ARHGEF7: variants seen among roughly 807,000 people sequenced by gnomAD.
ARHGEF7 encodes PAK-interacting exchange factor beta.
ARHGEF7 carries 33 observed loss-of-function variants against 109.8 expected under a neutral mutation model. The observed-to-expected ratio is 0.30, with a 90% CI of 0.23 to 0.40. The LOEUF (loss-of-function observed/expected upper bound fraction) is 0.40. ARHGEF7 is among the 10% of genes least tolerant of loss of function. ARHGEF7 has a pLI of 1.00. For synonymous variants in ARHGEF7, 458 were observed against 424.6 expected (o/e 1.08, Z -0.97); for missense variants, 938 against 1,098.5 (o/e 0.85, Z 2.07).
chr13:111,193,276 C>T (rs2080116524), intron 2 of ARHGEF7, among the ~76,000 whole-genome samples: 1 of 152,218 alleles, frequency 6.6e-6, no homozygotes, highest in African/African-American at 2.4e-5. Flanking sequence ...GGCTTAATCT[C>T]TTGGAGGGGG....
intron 1 of ARHGEF7, among the ~76,000 whole-genome samples, chr13:111,136,643 G>A (rs1357977555): frequency 6.6e-6 from 1 of 152,174 alleles, no homozygotes; most frequent in Non-Finnish European, 1.5e-5. Flanking sequence ...GAGAAAGCAG[G>A]AAAGATCTAA....
At position 111,221,381 on chromosome 13, in the gene ARHGEF7, A is replaced by AGACATATATATC. The variant is rs2084055835; in HGVS notation, c.670+3501_670+3502insGACATATATATC. Among the ~76,000 whole-genome samples, 2 of 34,448 alleles carry AGACATATATATC rather than the reference A, an allele frequency of 5.8e-5. 1 individual carries two copies. Among genetic ancestry groups the AGACATATATATC allele is most frequent in the African/African-American group, 1.7e-4 (2 of 11,982 alleles). The allele number at this position is 34,448 out of a possible 152,430, so 22.6% of individuals were successfully genotyped here. ...TATATATATCTATATATATATCTAT[A>AGACATATATATC]TATATAGATGTCTATATATCTATAT... is the stretch of plus-strand genomic sequence containing the variant. On this transcript the variant is annotated intron_variant, in intron 5 of 21. Transcript: ENST00000646102.
chr13:111,280,238 TG>T (rs1567061085), intron 13 of ARHGEF7, 33 bp from the exon 14 acceptor site: 8 of 1,500,962 alleles, frequency 5.3e-6, no homozygotes, highest in Middle Eastern at 1.7e-4. Context: ...AAGCACTAAT[TG>T]TTTTTTTTTT....
Position 111,217,669 on chromosome 13 carries a change from C to G in ARHGEF7, c.469-10C>G. The G allele has an allele frequency of 6.2e-7, 1 of 1,611,218 alleles. No individual in the cohort carries two copies. Among genetic ancestry groups the G allele is most frequent in the Non-Finnish European group, 8.5e-7 (1 of 1,177,358 alleles). On this transcript the variant is annotated splice_polypyrimidine_tract_variant and intron_variant, in intron 4 of 21. Transcript: ENST00000646102. ...GTATAATTTTTCTCCCACTCTTCTT[C>G]CCCTTTTAGGACATGACCGATAATA...
chr13:111,250,134 G>C (rs1475525348), intron 8 of ARHGEF7, among the ~76,000 whole-genome samples: 2 of 152,304 alleles, frequency 1.3e-5, no homozygotes, highest in East Asian at 3.9e-4. Flanking sequence ...ATCAGCTGTA[G>C]AGGGCTCCTT....
At chr13:111,147,690 C>CTTTT (rs11463808) in intron 1 of ARHGEF7, among the ~76,000 whole-genome samples, 90 of 82,382 alleles carry the variant, frequency 1.1e-3, no homozygotes, top group East Asian at 2.9e-3. Context: ...CAGAGGTCAC[C>CTTTT]TTTTTTTTTT....
intron 1 of ARHGEF7, 58 bp from the exon 2 acceptor site, chr13:111,153,847 T>C (rs2076067658): frequency 1.0e-5 from 16 of 1,569,208 alleles, no homozygotes; most frequent in East Asian, 5.1e-5. Context: ...CGCTCGGCCT[T>C]GTCCGCGGCG....
At chr13:111,301,612 G>T (rs769662169) in intron 21 of ARHGEF7, 80 bp downstream of exon 21, 3 of 1,241,058 alleles carry the variant, frequency 2.4e-6, no homozygotes, top group Non-Finnish European at 3.5e-6. Flanking sequence ...AAATAAGCTG[G>T]CTGGGTACGG....
intron 17 of ARHGEF7, among the ~76,000 whole-genome samples, chr13:111,287,101 A>G (rs545788450): frequency 1.3e-5 from 2 of 152,302 alleles, no homozygotes; most frequent in Non-Finnish European, 2.9e-5. Flanking sequence ...CTTATCATCA[A>G]TCAGCCCAGT....
At chr13:111,156,285 G>A (rs569949403) in intron 2 of ARHGEF7, among the ~76,000 whole-genome samples, 60 of 152,200 alleles carry the variant, frequency 3.9e-4, no homozygotes, top group Middle Eastern at 3.4e-3. Context: ...ATAAATATTT[G>A]TTACTAATAG....
intron 17 of ARHGEF7, 59 bp downstream of exon 17, chr13:111,286,299 C>A: frequency 7.2e-7 from 1 of 1,393,522 alleles, no homozygotes; most frequent in Non-Finnish European, 1.0e-6. Context: ...TAGGCCATGG[C>A]TTTCCTGGGA....
chr13:111,280,633 G>T lies in ARHGEF7; in HGVS notation c.1681G>T (p.Val561Leu). Residue 561 changes from valine to leucine, a missense_variant, in exon 15 of 22, where the codon GTG (valine) becomes TTG (leucine). Val to Leu is a conservative substitution (Grantham distance 32). Around this residue, in one of 4 missense-constraint regions of ARHGEF7, gnomAD observed 585 missense variants for 723.6 expected, o/e 0.81. Transcript: ENST00000646102. The part of the protein sequence containing the change: ...HLQKQTKVTS[V>L]GNPTIKPHSV... ...ACAGAAGCAAACGAAGGTCACGTCT[G>T]TGGGAAACCCCACCATAAAGCCTCA... 1 of 1,610,848 alleles carries T rather than the reference G, an allele frequency of 6.2e-7. No homozygotes were observed. The highest frequency in any genetic ancestry group is 8.5e-7 in the Non-Finnish European group (1 of 1,178,860).
At chr13:111,289,704 A>C (rs1434408731) in intron 18 of ARHGEF7, among the ~76,000 whole-genome samples, 1 of 150,788 alleles carries the variant, frequency 6.6e-6, no homozygotes, top group African/African-American at 2.4e-5. Flanking sequence ...GGACTTCTCA[A>C]CTGCTTTAGC....
At chr13:111,282,448 G>A (rs1193389043) in intron 15 of ARHGEF7, among the ~76,000 whole-genome samples, 1 of 151,176 alleles carries the variant, frequency 6.6e-6, no homozygotes, top group Admixed American at 6.6e-5. Context: ...GCTCTAAGAA[G>A]TTAATTTTTG....
chr13:111,120,426 T>C (rs1308050139), intron 1 of ARHGEF7, among the ~76,000 whole-genome samples: 4 of 152,076 alleles, frequency 2.6e-5, no homozygotes, highest in African/African-American at 7.3e-5. Flanking sequence ...CACACACGCA[T>C]GCATGCCTGC....
intron 21 of ARHGEF7, 65 bp downstream of exon 21, chr13:111,301,597 A>G (rs928245971): frequency 7.2e-7 from 1 of 1,388,540 alleles, no homozygotes; most frequent in Non-Finnish European, 1.0e-6. Flanking sequence ...AGAAAATTAC[A>G]TTAAAAATAA....
chr13:111,242,940 G>T (rs2088058813), intron 6 of ARHGEF7, among the ~76,000 whole-genome samples: 1 of 152,172 alleles, frequency 6.6e-6, no homozygotes, highest in Non-Finnish European at 1.5e-5. Flanking sequence ...TTCCTACTTG[G>T]TTTCATCAGT....
At chr13:111,233,355 T>C (rs545329512) in intron 6 of ARHGEF7, 62 bp downstream of exon 6, 2 of 1,285,262 alleles carry the variant, frequency 1.6e-6, no homozygotes, top group African/African-American at 1.5e-5. Flanking sequence ...AACTCAGCAA[T>C]GTAGAATGTA....
At chr13:111,219,132 T>G (rs761651692) in intron 5 of ARHGEF7, among the ~76,000 whole-genome samples, 7 of 152,222 alleles carry the variant, frequency 4.6e-5, no homozygotes, top group Non-Finnish European at 8.8e-5. Flanking sequence ...TCCAGAACTG[T>G]TTCTTCTCAA....
Sources: allele counts gnomAD v4.1 joint callset (sites outside exome capture counted in the v4.1 genomes callset), GRCh38; gene constraint gnomAD v4.1.1; regional missense constraint gnomAD v4.1.1; transcripts MANE v1.5; gene names NCBI Gene and HGNC (gene_info 2026-07-23, HGNC 2026-07-21).